CADPS2: variants seen among roughly 807,000 people sequenced by gnomAD.
The protein encoded by CADPS2 is calcium dependent secretion activator 2, also known as calcium-dependent secretion activator 2.
In CADPS2, 93 loss-of-function variants were observed where a neutral mutation model predicts 172.5. The observed-to-expected ratio is 0.54, with a 90% CI of 0.46 to 0.64. The LOEUF (loss-of-function observed/expected upper bound fraction) is 0.64, where lower values mean the gene tolerates loss of function less well. Ranked by LOEUF, CADPS2 falls within the 30% of genes least tolerant of loss-of-function variation. The pLI, the probability that CADPS2 is intolerant of heterozygous loss-of-function variation, is 0.00. For synonymous variants in CADPS2, 546 were observed against 555.2 expected, an observed-to-expected ratio of 0.98 and a Z score of 0.23; for missense variants, 1,420 against 1,565.9, an observed-to-expected ratio of 0.91 and a Z score of 1.57.
chr7:122,673,375 C>T (rs998578075), intron 2 of CADPS2, among the ~76,000 whole-genome samples: 10 of 152,206 alleles, frequency 6.6e-5, no homozygotes, highest in Non-Finnish European at 1.2e-4. Flanking sequence ...GGTGCATTTA[C>T]AATCCCTGAG....
At chr7:122,858,368 C>T (rs368023665) in intron 1 of CADPS2, among the ~76,000 whole-genome samples, 4 of 152,152 alleles carry the variant, frequency 2.6e-5, no homozygotes, top group African/African-American at 9.6e-5. Context: ...AGCTTTTATA[C>T]AAGAAACAAA....
At chr7:122,734,092 C>T (rs1399881710) in intron 2 of CADPS2, among the ~76,000 whole-genome samples, 1 of 151,674 alleles carries the variant, frequency 6.6e-6, no homozygotes, top group East Asian at 1.9e-4. Flanking sequence ...TAAGAGTCTG[C>T]TTTTAGTCAG....
Position 122,805,526 on chromosome 7 carries a change from G to A in CADPS2, c.340-68458C>T, listed in dbSNP as rs552419050. Among the ~76,000 whole-genome samples, 10 of 152,258 alleles carry A rather than the reference G, an allele frequency of 6.6e-5. No individual in the cohort carries two copies. In the East Asian group the frequency reaches 1.9e-3, roughly 29 times the overall value. On this transcript the variant is annotated intron_variant, in intron 1 of 29. Coordinates refer to ENST00000449022, the MANE Select transcript of CADPS2 (RefSeq NM_017954.11). ...TTAGGTCCAGATGAGTAAGGTTCTAGTAATTTTAACAGTGGAACCAAAGAT... is the reference window on the plus strand; with the variant it reads ...TTAGGTCCAGATGAGTAAGGTTCTAATAATTTTAACAGTGGAACCAAAGAT...
chr7:122,676,600 A>G (rs2082406196), intron 2 of CADPS2: 1 of 1,113,708 alleles, frequency 9.0e-7, no homozygotes. Context: ...GCATGACTAC[A>G]GAGAGATCCT....
intron 25 of CADPS2, among the ~76,000 whole-genome samples, chr7:122,362,794 G>T (rs2040341674): frequency 6.6e-6 from 1 of 152,138 alleles, no homozygotes; most frequent in Admixed American, 6.5e-5. Flanking sequence ...GGTGACCAGA[G>T]AACTCGCTGT....
chr7:122,392,948 T>G (rs1010343360), intron 22 of CADPS2, among the ~76,000 whole-genome samples: 4 of 152,110 alleles, frequency 2.6e-5, no homozygotes, highest in Admixed American at 2.6e-4. Context: ...TGCCACCAAA[T>G]TATTCCTGTC....
chr7:122,423,415 A>C (rs1031224956), intron 17 of CADPS2, among the ~76,000 whole-genome samples: 1 of 152,192 alleles, frequency 6.6e-6, no homozygotes, highest in Non-Finnish European at 1.5e-5. Flanking sequence ...AGTACCCTAA[A>C]GGAGATAGTA....
intron 18 of CADPS2, among the ~76,000 whole-genome samples, chr7:122,415,392 T>C (rs2047766970): frequency 6.6e-6 from 1 of 151,990 alleles, no homozygotes; most frequent in Admixed American, 6.6e-5. Context: ...CTCTTACCAG[T>C]TACACATTTG....
At chr7:122,551,236 G>C (rs1464901154) in intron 8 of CADPS2, among the ~76,000 whole-genome samples, 1 of 151,954 alleles carries the variant, frequency 6.6e-6, no homozygotes, top group Non-Finnish European at 1.5e-5. Context: ...TCAATAAACT[G>C]TGTTTAGAAT....
Position 122,473,075 on chromosome 7 carries a change from C to T in CADPS2, c.1998+1306G>A, listed in dbSNP as rs530788511. On this transcript the variant is annotated intron_variant, in intron 13 of 29. Coordinates refer to ENST00000449022, the MANE Select transcript of CADPS2 (RefSeq NM_017954.11). The stretch of plus-strand genomic sequence containing the variant: ...TTAAATCAAGTTTAGCCTAAAGCTG[C>T]CTCCTTACATATTTTAAGTTCAGCC... Among the ~76,000 whole-genome samples the T allele has an allele frequency of 2.6e-5, 4 of 152,178 alleles. No homozygotes were observed. The East Asian group carries it at 7.8e-4, about 30-fold the overall frequency.
At chr7:122,564,844 CAT>C (rs1290754765) in intron 7 of CADPS2, among the ~76,000 whole-genome samples, 2 of 88,926 alleles carry the variant, frequency 2.2e-5, no homozygotes, top group African/African-American at 4.2e-5. Flanking sequence ...CATACACACA[CAT>C]GCACACACAC....
intron 6 of CADPS2, among the ~76,000 whole-genome samples, chr7:122,595,296 T>C (rs751475504): frequency 4.6e-5 from 7 of 152,068 alleles, no homozygotes; most frequent in Non-Finnish European, 4.4e-5. Flanking sequence ...GTTCAGCATA[T>C]GAAAAGTAAG....
chr7:122,509,840 T>C (rs1744327658), intron 9 of CADPS2, among the ~76,000 whole-genome samples: 1 of 152,134 alleles, frequency 6.6e-6, no homozygotes, highest in African/African-American at 2.4e-5. Context: ...AGATAAAGTA[T>C]TACAAATGTT....
intron 8 of CADPS2, among the ~76,000 whole-genome samples, chr7:122,543,787 C>T (rs1183851105): frequency 2.6e-5 from 4 of 152,152 alleles, no homozygotes; most frequent in African/African-American, 7.2e-5. Context: ...AATTATCAGA[C>T]GATAATGTGT....
intron 20 of CADPS2, chr7:122,395,424 T>A (rs1404445252): frequency 6.6e-6 from 1 of 152,232 alleles, no homozygotes; most frequent in Non-Finnish European, 1.5e-5. Context: ...TAATGATAGG[T>A]GTCTTATTTA....
intron 28 of CADPS2, among the ~76,000 whole-genome samples, chr7:122,331,432 G>T (rs1356554986): frequency 6.6e-6 from 1 of 152,192 alleles, no homozygotes; most frequent in African/African-American, 2.4e-5. Flanking sequence ...GAGGCCAGGA[G>T]TTGGAGACCA....
intron 1 of CADPS2, among the ~76,000 whole-genome samples, chr7:122,747,532 C>G (rs1275240096): frequency 6.6e-6 from 1 of 152,102 alleles, no homozygotes; most frequent in African/African-American, 2.4e-5. Flanking sequence ...CATTTATTGA[C>G]CATTTACTAC....
At chr7:122,386,176 CA>C in intron 24 of CADPS2, 1 of 716,362 alleles carries the variant, frequency 1.4e-6, no homozygotes, top group South Asian at 4.0e-5. Context: ...ACACAGAAGC[CA>C]AAAATCTGAA....
chr7:122,600,438 T>G (rs2072577323), intron 6 of CADPS2, among the ~76,000 whole-genome samples: 1 of 152,056 alleles, frequency 6.6e-6, no homozygotes, highest in Non-Finnish European at 1.5e-5. Flanking sequence ...TAATCACCAA[T>G]CTGTCTGATT....
Sources: allele counts gnomAD v4.1 joint callset (sites outside exome capture counted in the v4.1 genomes callset), GRCh38; gene constraint gnomAD v4.1.1; transcripts MANE v1.5; gene names NCBI Gene and HGNC (gene_info 2026-07-23, HGNC 2026-07-21).